Variants in MEIOC observed in about 807,000 individuals in gnomAD.
MEIOC encodes the protein meiosis specific with coiled-coil domain.
In MEIOC, 9 loss-of-function variants were observed where a neutral mutation model predicts 85.3. That is an observed-to-expected ratio of 0.11 (90% CI 0.06 to 0.18). The LOEUF is 0.18. Ranked by LOEUF, MEIOC falls within the 10% of genes least tolerant of loss-of-function variation. The pLI is 1.00. For synonymous variants in MEIOC, 365 were observed against 393.7 expected (o/e 0.93, Z 0.86); for missense variants, 898 against 1,129.4 (o/e 0.80, Z 2.94).
Position 44,668,239 on chromosome 17 carries a change from A to C in MEIOC, c.2322+6A>C, listed in dbSNP as rs756492936. 6.3e-7 allele frequency: 1 copy of C among 1,584,578 alleles called. No individual in the cohort carries two copies. The highest frequency in any genetic ancestry group is 2.2e-5 in the East Asian group (1 of 44,764). ...TAGAAAAAGAGAGAAAAAAGGTAACACAAAGTTAACCACTTAGGAATAACA... is the reference window on the plus strand; with the variant it reads ...TAGAAAAAGAGAGAAAAAAGGTAACCCAAAGTTAACCACTTAGGAATAACA... On this transcript the variant is annotated splice_donor_region_variant and intron_variant, in intron 5 of 7. Transcript: ENST00000409122.
intron 2 of MEIOC, 91 bp from the exon 3 acceptor site, chr17:44,662,226 C>A: frequency 1.0e-6 from 1 of 993,274 alleles, no homozygotes; most frequent in Admixed American, 2.8e-5. Context: ...CCAACTCTTA[C>A]ATCTGTGTTA....
At chr17:44,661,856 T>G (rs758896055) in intron 2 of MEIOC, among the ~76,000 whole-genome samples, 9 of 152,234 alleles carry the variant, frequency 5.9e-5, no homozygotes, top group Non-Finnish European at 1.0e-4. Flanking sequence ...AAGACTGAAT[T>G]TTATATATAA....
rs763401216 is a variant in MEIOC, at chr17:44,666,817, A to G, written c.906A>G (p.Ala302=). ...GAATATGTACTAAAGGTCTTGAAGC[A>G]CCACTACAGCAAAAAAGGGCAGAGA... is the stretch of plus-strand genomic sequence containing the variant. The part of the protein sequence containing the change: ...RDRICTKGLE[A]PLQQKRAEMF... Residue 302 remains alanine (A), a synonymous_variant, in exon 5 of 8, where the codon GCA becomes GCG. Coordinates refer to ENST00000409122, the MANE Select transcript of MEIOC (RefSeq NM_001145080.3). 1.9e-6 allele frequency: 3 copies of G among 1,613,274 alleles called. No homozygotes were observed. The South Asian group carries it at 3.3e-5, about 18-fold the overall frequency.
Position 44,667,516 on chromosome 17 carries a change from T to C in MEIOC, c.1605T>C (p.Tyr535=), listed in dbSNP as rs971453983. The C allele has an allele frequency of 2.5e-6, 4 of 1,613,842 alleles. No individual in the cohort carries two copies. The highest frequency in any genetic ancestry group is 3.4e-6 in the Non-Finnish European group (4 of 1,179,886). The change falls in exon 5 of 8, where the codon TAT becomes TAC. Residue 535 remains tyrosine, a synonymous_variant. Coordinates refer to ENST00000409122, the MANE Select transcript of MEIOC (RefSeq NM_001145080.3). ...LTPNSNLFQK[Y]CQENPSAFSS... ...CAAATAGCAATTTATTTCAGAAATA[T>C]TGCCAAGAAAACCCTTCAGCATTTT...
intron 3 of MEIOC, among the ~76,000 whole-genome samples, chr17:44,662,785 G>A (rs1346977532): frequency 1.3e-5 from 2 of 152,150 alleles, no homozygotes; most frequent in Non-Finnish European, 2.9e-5. Flanking sequence ...CACAGTAGCT[G>A]GGACTACAGG....
At position 44,656,674 on chromosome 17, in the gene MEIOC, G is replaced by A. The variant is rs1971760414; in HGVS notation, c.61G>A (p.Gly21Arg). 7 of 1,491,930 alleles carry A rather than the reference G, an allele frequency of 4.7e-6. No homozygotes were observed. In the East Asian group the frequency reaches 8.9e-5, roughly 19 times the overall value. 92.4% of individuals were successfully genotyped at this position (1,491,930 alleles called of 1,614,324 possible). Residue 21 changes from glycine to arginine, a missense_variant, in exon 1 of 8, where the codon GGA (glycine) becomes AGA (arginine). Transcript: ENST00000409122. The part of the protein sequence containing the change: ...RPHPSGLREE[G>R]LEPKVAFPGG... Reference sequence around the variant, plus strand: ...TCACCCCTCAGGCCTGAGGGAGGAAGGACTTGAGGTAATGGATGAGGAAGG... The same window carrying A: ...TCACCCCTCAGGCCTGAGGGAGGAAAGACTTGAGGTAATGGATGAGGAAGG...
Position 44,669,482 on chromosome 17 carries a change from C to T in MEIOC, c.2422C>T (p.Arg808Cys), listed in dbSNP as rs779505985. 3.2e-6 allele frequency: 5 copies of T among 1,555,056 alleles called. No individual in the cohort carries two copies. The highest frequency in any genetic ancestry group is 1.4e-5 in the African/African-American group (1 of 73,282). ...GACTTCCAACCCATCTAGAGTTGAT[C>T]GCTTAATTGTGGATGAACTTCGAGA... ...RLTSNPSRVDRLIVDELRELA... is the reference protein window; with the variant it reads ...RLTSNPSRVDCLIVDELRELA... Residue 808 changes from arginine to cysteine, a missense_variant, in exon 6 of 8, where the codon CGC becomes TGC. By Grantham distance (180) the Arg-to-Cys change is radical. Coordinates refer to ENST00000409122, the MANE Select transcript of MEIOC (RefSeq NM_001145080.3).
rs1972054550 is a variant in MEIOC, at chr17:44,674,827, G to A, written c.*631G>A. ...ATTCTCCTAAATTAATGATAAAAGT[G>A]TCAGTGTAAAAACCATGCAAGTTAC... On this transcript the variant is annotated 3_prime_UTR_variant, in exon 8 of 8. Transcript: ENST00000409122. 1 of 984,400 alleles carries A rather than the reference G, an allele frequency of 1.0e-6. No homozygotes were observed. The highest frequency in any genetic ancestry group is 1.2e-6 in the Non-Finnish European group (1 of 829,132). The allele number at this position is 984,400 out of a possible 1,614,324, so 61.0% of individuals were successfully genotyped here. A position where few individuals can be genotyped will look rare whatever the true frequency, so the allele number is the denominator to read the frequency against.
chr17:44,673,340 A>T (rs1165528433), intron 6 of MEIOC, 26 bp from the exon 7 acceptor site: 5 of 1,515,116 alleles, frequency 3.3e-6, no homozygotes, highest in Non-Finnish European at 4.4e-6. Flanking sequence ...GACATGTCTT[A>T]TCAAAATTTA....
chr17:44,656,562 C>G lies in MEIOC; in HGVS notation c.-52C>G, dbSNP rs547048555. 1.5e-3 allele frequency: 1,961 copies of G among 1,349,020 alleles called. 2 individuals are homozygous for G. Among genetic ancestry groups the G allele is most frequent in the Non-Finnish European group, 1.7e-3 (1,720 of 1,032,508 alleles). The allele number at this position is 1,349,020 out of a possible 1,614,324, so 83.6% of individuals were successfully genotyped here. ...CCGGGCCTGGACGCCCCCCCCATCA[C>G]CCCCGTACCCCAGGAGCTGTGCCTA... is the stretch of plus-strand genomic sequence containing the variant. On this transcript the variant is annotated 5_prime_UTR_variant, in exon 1 of 8. Coordinates refer to ENST00000409122, the MANE Select transcript of MEIOC (RefSeq NM_001145080.3).
intron 3 of MEIOC, among the ~76,000 whole-genome samples, chr17:44,663,694 G>A (rs1198297986): frequency 6.6e-6 from 1 of 152,020 alleles, no homozygotes; most frequent in East Asian, 1.9e-4. Flanking sequence ...AATAACAGCT[G>A]CTAGCAGTTT....
In MEIOC at chr17:44,656,569, A is replaced by AC. The variant is rs758256580; in HGVS notation, c.-41dup. On this transcript the variant is annotated 5_prime_UTR_variant, in exon 1 of 8. Coordinates refer to ENST00000409122, the MANE Select transcript of MEIOC (RefSeq NM_001145080.3). Reference sequence around the variant, plus strand: ...TGGACGCCCCCCCCATCACCCCCGTACCCCAGGAGCTGTGCCTAGTCCAGG... The same window carrying AC: ...TGGACGCCCCCCCCATCACCCCCGTACCCCCAGGAGCTGTGCCTAGTCCAGG... The AC allele has an allele frequency of 7.3e-7, 1 of 1,376,098 alleles. No individual in the cohort carries two copies. The highest frequency in any genetic ancestry group is 9.5e-7 in the Non-Finnish European group (1 of 1,051,712). The allele number at this position is 1,376,098 out of a possible 1,614,324, so 85.2% of individuals were successfully genotyped here.
In MEIOC at chr17:44,674,339, T is replaced by A; in HGVS notation, c.*143T>A. On this transcript the variant is annotated 3_prime_UTR_variant, in exon 8 of 8. Transcript: ENST00000409122. Reference sequence around the variant, plus strand: ...CAGTACCTTAATGAAGTCTAACTTCTATTTAAAAATCTTCTATTTGAAGTG... The same window carrying A: ...CAGTACCTTAATGAAGTCTAACTTCAATTTAAAAATCTTCTATTTGAAGTG... 1 of 1,411,804 alleles carries A rather than the reference T, an allele frequency of 7.1e-7. No homozygotes were observed. 87.5% of individuals were successfully genotyped at this position (1,411,804 alleles called of 1,614,324 possible). A position where few individuals can be genotyped will look rare whatever the true frequency, so the allele number is the denominator to read the frequency against.
At chr17:44,663,722 A>G (rs1405179404) in intron 3 of MEIOC, among the ~76,000 whole-genome samples, 1 of 151,914 alleles carries the variant, frequency 6.6e-6, no homozygotes, top group African/African-American at 2.4e-5. Context: ...ATTACATTGA[A>G]TTTTTTTTAG....
In MEIOC at chr17:44,657,195, A is replaced by G; in HGVS notation, c.138A>G (p.Leu46=). The change falls in exon 2 of 8, where the codon TTA becomes TTG. Residue 46 remains leucine, a synonymous_variant. Transcript: ENST00000409122. ...WNLGADAGSR[L]TDVFGSVMLT... The stretch of plus-strand genomic sequence containing the variant: ...TCGGCGCCGACGCCGGCAGCAGGTT[A>G]ACCGACGTCTTCGGCAGCGTGATGT... The G allele has an allele frequency of 6.4e-7, 1 of 1,551,942 alleles. No homozygotes were observed. The highest frequency in any genetic ancestry group is 8.7e-7 in the Non-Finnish European group (1 of 1,146,998).
chr17:44,673,833 G>A (rs1598730868), intron 7 of MEIOC, 143 bp from the exon 8 acceptor site: 1 of 957,496 alleles, frequency 1.0e-6, no homozygotes, highest in East Asian at 2.6e-5. Context: ...ATAAAGGACA[G>A]GACTTTGGTT....
rs988695289 is a variant in MEIOC, at chr17:44,675,271, A to T, written c.*1075A>T. On this transcript the variant is annotated 3_prime_UTR_variant, in exon 8 of 8. Coordinates refer to ENST00000409122, the MANE Select transcript of MEIOC (RefSeq NM_001145080.3). ...CATTAGTTTGCTTCTGTATTTTTTT[A>T]AAACTATTGAAAGCTTAACTTTTTC... 3.3e-5 allele frequency: 32 copies of T among 982,818 alleles called. No homozygotes were observed. Among genetic ancestry groups the T allele is most frequent in the Non-Finnish European group, 3.6e-5 (30 of 827,722 alleles). The allele number at this position is 982,818 out of a possible 1,614,324, so 60.9% of individuals were successfully genotyped here.
At chr17:44,658,377 G>A (rs1485322609) in intron 2 of MEIOC, among the ~76,000 whole-genome samples, 1 of 149,102 alleles carries the variant, frequency 6.7e-6, no homozygotes, top group Non-Finnish European at 1.5e-5. Context: ...GTATGGTCTC[G>A]ATCTCCTGAC....
rs777029690 is a variant in MEIOC at position 44,667,936 on chromosome 17, G to C, written c.2025G>C (p.Arg675Ser). 1 of 1,613,790 alleles carries C rather than the reference G, an allele frequency of 6.2e-7. No individual in the cohort carries two copies. The highest frequency in any genetic ancestry group is 8.5e-7 in the Non-Finnish European group (1 of 1,179,792). Residue 675 changes from arginine to serine, a missense_variant, in exon 5 of 8, where the codon AGG becomes AGC. Physicochemically the swap from Arg to Ser is moderately radical, Grantham distance 110. This residue lies in a region of MEIOC where 734 missense variants were observed against 860.1 expected (regional missense o/e 0.85). Coordinates refer to ENST00000409122, the MANE Select transcript of MEIOC (RefSeq NM_001145080.3). ...FSNNYMMGDL[R>S]HNQCFQQLGS... ...ATAATTATATGATGGGAGATTTAAGGCATAATCAGTGTTTTCAACAACTTG... is the reference window on the plus strand; with the variant it reads ...ATAATTATATGATGGGAGATTTAAGCCATAATCAGTGTTTTCAACAACTTG...
Sources: allele counts gnomAD v4.1 joint callset (sites outside exome capture counted in the v4.1 genomes callset), GRCh38; gene constraint gnomAD v4.1.1; regional missense constraint gnomAD v4.1.1; transcripts MANE v1.5; gene names NCBI Gene and HGNC (gene_info 2026-07-23, HGNC 2026-07-21).